MACROD2: variants seen among roughly 807,000 people sequenced by gnomAD.
The protein encoded by MACROD2 is ADP-ribose glycohydrolase MACROD2.
In MACROD2, 36 loss-of-function variants were observed where a neutral mutation model predicts 70.4. The observed-to-expected ratio is 0.51, with a 90% CI of 0.39 to 0.68. MACROD2 has a LOEUF of 0.68. Among genes scored for constraint, MACROD2 ranks in the 30% least tolerant of loss-of-function variants. MACROD2 has a pLI of 0.00. For synonymous variants in MACROD2, 172 were observed against 178.8 expected (o/e 0.96, Z 0.30); for missense variants, 496 against 538.4 (o/e 0.92, Z 0.78).
At chr20:15,134,241 G>A (rs192524994) in intron 5 of MACROD2, among the ~76,000 whole-genome samples, 4 of 144,976 alleles carry the variant, frequency 2.8e-5, no homozygotes, top group Non-Finnish European at 6.1e-5. Context: ...AACCTTGCCC[G>A]AGCCGGGCAG....
At chr20:15,876,198 T>C (rs1413112575) in intron 9 of MACROD2, among the ~76,000 whole-genome samples, 4 of 151,094 alleles carry the variant, frequency 2.6e-5, no homozygotes, top group Admixed American at 6.6e-5. Context: ...ATGTGCCATG[T>C]CGGTGTGCTG....
intron 3 of MACROD2, among the ~76,000 whole-genome samples, chr20:14,453,508 C>T (rs971159368): frequency 1.3e-5 from 2 of 152,190 alleles, no homozygotes; most frequent in African/African-American, 4.8e-5. Flanking sequence ...TTCCTAACCT[C>T]GTGAAACTGA....
At chr20:15,858,185 C>G (rs1029472646) in intron 8 of MACROD2, among the ~76,000 whole-genome samples, 3 of 151,890 alleles carry the variant, frequency 2.0e-5, no homozygotes, top group Admixed American at 1.3e-4. Context: ...AGGCTAGGCC[C>G]AACAAATTGG....
At chr20:16,023,921 A>G (rs889529421) in intron 15 of MACROD2, among the ~76,000 whole-genome samples, 1 of 152,150 alleles carries the variant, frequency 6.6e-6, no homozygotes, top group South Asian at 2.1e-4. Context: ...AACAAGCTAC[A>G]TTGGTGCTTT....
At position 15,983,198 on chromosome 20, in the gene MACROD2, G is replaced by A. The variant is rs368744860; in HGVS notation, c.986-3529G>A. 1.4e-4 allele frequency among the ~76,000 whole-genome samples: 21 copies of A among 152,272 alleles called. 1 individual carries two copies. In the East Asian group the frequency reaches 2.1e-3, roughly 15 times the overall value. ...AAATCCTGTAACTATTTGATTTCAA[G>A]CTTTAAATTGATCTGGTATTCCTTG... On this transcript the variant is annotated intron_variant, in intron 13 of 17. Transcript: ENST00000684519.
At chr20:14,136,321 T>C (rs1260437112) in intron 3 of MACROD2, among the ~76,000 whole-genome samples, 2 of 152,144 alleles carry the variant, frequency 1.3e-5, no homozygotes, top group Non-Finnish European at 2.9e-5. Flanking sequence ...AAGCTGGAGT[T>C]AGCCGGGGGC....
At chr20:14,851,956 T>C (rs1416464051) in intron 5 of MACROD2, among the ~76,000 whole-genome samples, 1 of 152,164 alleles carries the variant, frequency 6.6e-6, no homozygotes, top group Admixed American at 6.5e-5. Context: ...GGCATGGTAA[T>C]GGACCTTGAA....
intron 5 of MACROD2, among the ~76,000 whole-genome samples, chr20:14,888,911 A>G (rs1347505383): frequency 6.6e-6 from 1 of 152,152 alleles, no homozygotes; most frequent in Non-Finnish European, 1.5e-5. Context: ...TTAAATAATA[A>G]TCCTTCTTCA....
chr20:15,409,898 T>C (rs1450174059), intron 6 of MACROD2, among the ~76,000 whole-genome samples: 1 of 152,150 alleles, frequency 6.6e-6, no homozygotes, highest in East Asian at 1.9e-4. Flanking sequence ...ACAGCGTGTG[T>C]TAAGCTAGAA....
chr20:14,231,277 A>G (rs1051491227), intron 3 of MACROD2, among the ~76,000 whole-genome samples: 1 of 151,972 alleles, frequency 6.6e-6, no homozygotes, highest in Non-Finnish European at 1.5e-5. Flanking sequence ...TCCTAATGCT[A>G]TCCCTCCCCA....
intron 6 of MACROD2, among the ~76,000 whole-genome samples, chr20:15,288,017 C>T (rs895240880): frequency 2.6e-5 from 4 of 152,110 alleles, no homozygotes; most frequent in African/African-American, 4.8e-5. Flanking sequence ...TGATATAGGG[C>T]GGAAAGGACA....
chr20:15,407,623 A>G (rs1236456884), intron 6 of MACROD2, among the ~76,000 whole-genome samples: 2 of 152,178 alleles, frequency 1.3e-5, no homozygotes, highest in Non-Finnish European at 2.9e-5. Context: ...CTCGCTGGCC[A>G]CATCCTGACT....
chr20:14,810,090 A>T (rs1488364890), intron 5 of MACROD2, among the ~76,000 whole-genome samples: 1 of 152,140 alleles, frequency 6.6e-6, no homozygotes, highest in East Asian at 1.9e-4. Context: ...TCATTGTATA[A>T]GGCCAGCATC....
intron 4 of MACROD2, among the ~76,000 whole-genome samples, chr20:14,659,094 G>T (rs1986107750): frequency 6.6e-6 from 1 of 152,132 alleles, no homozygotes; most frequent in Non-Finnish European, 1.5e-5. Context: ...AGATGCGGTT[G>T]TTGCTAGTTC....
At chr20:15,669,998 C>A (rs1311359531) in intron 8 of MACROD2, among the ~76,000 whole-genome samples, 1 of 152,158 alleles carries the variant, frequency 6.6e-6, no homozygotes, top group Admixed American at 6.5e-5. Context: ...CTTTTATTAC[C>A]CTCATTTTAG....
intron 8 of MACROD2, among the ~76,000 whole-genome samples, chr20:15,775,358 T>C (rs370642561): frequency 4.5e-4 from 69 of 152,154 alleles, no homozygotes; most frequent in Middle Eastern, 3.4e-3. Context: ...AACCATTCCA[T>C]GGTCAGTGTT....
chr20:15,000,744 G>A lies in MACROD2; in HGVS notation c.419-229196G>A, dbSNP rs927930454. On this transcript the variant is annotated intron_variant, in intron 5 of 17. Transcript: ENST00000684519. The stretch of plus-strand genomic sequence containing the variant: ...GATTGGTCCACTTTGTTGTATGTGT[G>A]TTATCCTTAGGTGGAAATTTCTGGA... 1.4e-4 allele frequency among the ~76,000 whole-genome samples: 20 copies of A among 148,036 alleles called. 1 individual carries two copies. The highest frequency in any genetic ancestry group is 4.9e-4 in the African/African-American group (20 of 40,572).
chr20:15,092,392 A>G (rs2075799150), intron 5 of MACROD2, among the ~76,000 whole-genome samples: 2 of 148,662 alleles, frequency 1.3e-5, no homozygotes, highest in African/African-American at 4.9e-5. Flanking sequence ...TATTCATTAA[A>G]TAATTTTATT....
intron 3 of MACROD2, among the ~76,000 whole-genome samples, chr20:14,421,422 T>G (rs2083874880): frequency 6.6e-6 from 1 of 152,190 alleles, no homozygotes; most frequent in Non-Finnish European, 1.5e-5. Context: ...CCAGATTTTC[T>G]GTCTTCATTT....
Sources: allele counts gnomAD v4.1 joint callset (sites outside exome capture counted in the v4.1 genomes callset), GRCh38; gene constraint gnomAD v4.1.1; transcripts MANE v1.5; gene names NCBI Gene and HGNC (gene_info 2026-07-23, HGNC 2026-07-21).